Variants in KANK1 observed in about 807,000 individuals in gnomAD.
KANK1 encodes the protein KN motif and ankyrin repeat domain-containing protein 1.
In KANK1, 109 loss-of-function variants were observed where a neutral mutation model predicts 106.2. The ratio of observed to expected loss-of-function variants is 1.03; its 90% confidence interval spans 0.88 to 1.20. The LOEUF is 1.20. Among genes scored for constraint, KANK1 ranks in the 50% most tolerant of loss-of-function variants. The pLI is 0.00. For missense variants in KANK1, 2,399 were observed against 1,710.7 expected (o/e 1.40, Z -7.10); for synonymous variants, 873 against 652.2 (o/e 1.34, Z -5.16).
rs59906417 is a variant in KANK1 at position 536,716 on chromosome 9, A to G, written c.-84+31962A>G. On this transcript the variant is annotated intron_variant, in intron 1 of 11. Transcript: ENST00000382297. ...AAATCTCTCCATCCCAAAGTCCTTAATCTTAATGCCGTCTGCACAATGACT... is the reference window on the plus strand; with the variant it reads ...AAATCTCTCCATCCCAAAGTCCTTAGTCTTAATGCCGTCTGCACAATGACT... 6.9e-3 allele frequency among the ~76,000 whole-genome samples: 1,046 copies of G among 152,290 alleles called. 16 individuals are homozygous for G. The highest frequency in any genetic ancestry group is 0.023 in the African/African-American group (955 of 41,574).
intron 1 of KANK1, among the ~76,000 whole-genome samples, chr9:546,146 G>A (rs949114320): frequency 2.0e-5 from 3 of 152,148 alleles, no homozygotes; most frequent in African/African-American, 7.2e-5. Context: ...CAGCTCTTAT[G>A]TGCCACCTTA....
At chr9:692,997 A>G (rs1011897897) in intron 2 of KANK1, among the ~76,000 whole-genome samples, 2 of 152,034 alleles carry the variant, frequency 1.3e-5, no homozygotes, top group Non-Finnish European at 2.9e-5. Flanking sequence ...GTGATACACT[A>G]TCTCAAAAAA....
intron 1 of KANK1, among the ~76,000 whole-genome samples, chr9:598,392 CA>C (rs757711090): frequency 6.6e-5 from 10 of 151,176 alleles, no homozygotes; most frequent in Admixed American, 2.0e-4. Flanking sequence ...TTCATTTCTG[CA>C]AAAAGGGCTG....
chr9:605,460 T>G (rs1828867761), intron 1 of KANK1, among the ~76,000 whole-genome samples: 1 of 151,650 alleles, frequency 6.6e-6, no homozygotes, highest in Admixed American at 6.6e-5. Flanking sequence ...GAGGAGAAAG[T>G]GCGTACACTC....
At chr9:523,898 C>T (rs2059664219) in intron 1 of KANK1, among the ~76,000 whole-genome samples, 1 of 151,416 alleles carries the variant, frequency 6.6e-6, no homozygotes, top group Admixed American at 6.6e-5. Flanking sequence ...TTCAGCATAT[C>T]CCAGTAGAAT....
At chr9:692,015 G>C (rs1295784761) in intron 2 of KANK1, among the ~76,000 whole-genome samples, 1 of 152,170 alleles carries the variant, frequency 6.6e-6, no homozygotes, top group Admixed American at 6.5e-5. Context: ...TCACAGGGCA[G>C]GCAGGCAAAG....
chr9:744,343 G>T (rs561701758), intron 10 of KANK1, 148 bp from the exon 11 acceptor site: 5 of 768,130 alleles, frequency 6.5e-6, no homozygotes, highest in Non-Finnish European at 1.0e-5. Flanking sequence ...ACCCTTAGAG[G>T]TCCCAAAAAA....
chr9:528,888 C>G (rs191393308), intron 1 of KANK1, among the ~76,000 whole-genome samples: 35 of 152,126 alleles, frequency 2.3e-4, no homozygotes, highest in African/African-American at 8.2e-4. Flanking sequence ...CAGCCTTGAC[C>G]TCCTGGGCTT....
Position 653,295 on chromosome 9 carries a change from C to G in KANK1, c.-83-23595C>G, listed in dbSNP as rs538331858. The stretch of plus-strand genomic sequence containing the variant: ...GCCAACTGGAAATGAAAATGCGGTT[C>G]CCAGGCTCGTGGTCTCTCTAGTGCT... On this transcript the variant is annotated intron_variant, in intron 1 of 11. Transcript: ENST00000382297. Among the ~76,000 whole-genome samples, 10 of 152,096 alleles carry G rather than the reference C, an allele frequency of 6.6e-5. No individual in the cohort carries two copies. In the South Asian group the frequency reaches 1.9e-3, roughly 28 times the overall value.
chr9:510,842 T>C (rs1378460006), intron 1 of KANK1, among the ~76,000 whole-genome samples: 1 of 152,228 alleles, frequency 6.6e-6, no homozygotes, highest in African/African-American at 2.4e-5. Flanking sequence ...TGCCTAATTA[T>C]AGATCTTAAC....
chr9:615,904 G>T (rs7853163), intron 1 of KANK1, among the ~76,000 whole-genome samples: 9,265 of 152,224 alleles, frequency 0.061, 324 homozygotes, highest in African/African-American at 0.099. Flanking sequence ...TCCTTGGTAT[G>T]CCAGGATCCA....
At chr9:599,832 C>T (rs1321586100) in intron 1 of KANK1, among the ~76,000 whole-genome samples, 2 of 151,822 alleles carry the variant, frequency 1.3e-5, no homozygotes, top group Non-Finnish European at 2.9e-5. Context: ...TGCAGGCAGT[C>T]ATGGAACCAG....
chr9:729,918 A>C (rs1250452945), intron 3 of KANK1, 133 bp from the exon 4 acceptor site: 2 of 747,102 alleles, frequency 2.7e-6, no homozygotes, highest in African/African-American at 3.6e-5. Context: ...CTGGAGCGTC[A>C]AAGGGGCTTC....
chr9:592,295 T>C (rs1485357191), intron 1 of KANK1, among the ~76,000 whole-genome samples: 2 of 151,888 alleles, frequency 1.3e-5, no homozygotes, highest in Non-Finnish European at 2.9e-5. Context: ...TGGCCTTTAA[T>C]CATCTGTGCG....
At chr9:591,191 A>T in intron 1 of KANK1, among the ~76,000 whole-genome samples, 1 of 151,890 alleles carries the variant, frequency 6.6e-6, no homozygotes, top group Non-Finnish European at 1.5e-5. Flanking sequence ...AATGTCTTTT[A>T]TTATAAAAGT....
At chr9:715,830 G>T (rs898292301) in intron 3 of KANK1, among the ~76,000 whole-genome samples, 1 of 152,162 alleles carries the variant, frequency 6.6e-6, no homozygotes, top group Non-Finnish European at 1.5e-5. Context: ...GGAAATGAAC[G>T]CAGAGTATTC....
intron 1 of KANK1, among the ~76,000 whole-genome samples, chr9:640,699 ATT>A (rs770881603): frequency 5.4e-5 from 7 of 129,726 alleles, no homozygotes; most frequent in Admixed American, 7.8e-5. Flanking sequence ...GCCCGGCCTA[ATT>A]TTTTTTTTTT....
In KANK1 at chr9:713,180, G is replaced by A. The variant is rs746945732; in HGVS notation, c.2414G>A (p.Gly805Glu). Residue 805 changes from glycine (G) to glutamate (E), a missense_variant, in exon 3 of 12, where the codon GGG becomes GAG. Coordinates refer to ENST00000382297, the MANE Select transcript of KANK1 (RefSeq NM_015158.5). The stretch of plus-strand genomic sequence containing the variant: ...GTGGGGGTTGGGGATGACCCTGTAG[G>A]GGAATCTCTGGAGAACCCCCAGCCT... ...RSVGVGDDPV[G>E]ESLENPQPQA... 7 of 1,585,458 alleles carry A rather than the reference G, an allele frequency of 4.4e-6. No homozygotes were observed. The highest frequency in any genetic ancestry group is 5.1e-6 in the Non-Finnish European group (6 of 1,165,954).
At chr9:574,208 G>GA (rs779342636) in intron 1 of KANK1, among the ~76,000 whole-genome samples, 6 of 152,246 alleles carry the variant, frequency 3.9e-5, no homozygotes, top group Non-Finnish European at 7.3e-5. Flanking sequence ...CTCTGTACCT[G>GA]TAACATTCCA....
Sources: gnomAD v4.1 joint callset for allele counts (sites outside exome capture counted in the v4.1 genomes callset) on GRCh38, gnomAD v4.1.1 for gene constraint, MANE v1.5 for transcripts, NCBI Gene and HGNC (gene_info 2026-07-23, HGNC 2026-07-21) for gene names.